The following PVT1 variants were observed in gnomAD, a reference collection of about 807,000 sequenced individuals.
PVT1 encodes CXCR4/PVT1 fusion.
intron 5 of PVT1, among the ~76,000 whole-genome samples, chr8:128,080,874 G>C (rs1814167129): frequency 6.6e-6 from 1 of 152,086 alleles, no homozygotes; most frequent in Non-Finnish European, 1.5e-5. Context: ...TGCATTTTGA[G>C]GTAATTTTTG....
At chr8:127,922,105 C>T (rs549220466) in intron 3 of PVT1, among the ~76,000 whole-genome samples, 4 of 151,858 alleles carry the variant, frequency 2.6e-5, no homozygotes, top group East Asian at 1.9e-4. Flanking sequence ...GTGATCTGCC[C>T]GCCTTGGCCT....
At chr8:128,065,198 TTA>T (rs35135583) in intron 4 of PVT1, among the ~76,000 whole-genome samples, 79,497 of 146,916 alleles carry the variant, frequency 0.54, 21,682 homozygotes, top group East Asian at 0.66. Flanking sequence ...TTTTTATTTT[TTA>T]TTTTTTTTTG....
chr8:127,837,719 G>C (rs1301193080), intron 2 of PVT1, among the ~76,000 whole-genome samples: 2 of 152,022 alleles, frequency 1.3e-5, no homozygotes, highest in Non-Finnish European at 2.9e-5. Context: ...TTAGCGATGG[G>C]GAAACGGAGC....
At chr8:127,951,756 G>A (rs1816507981) in intron 3 of PVT1, among the ~76,000 whole-genome samples, 1 of 151,946 alleles carries the variant, frequency 6.6e-6, no homozygotes, top group Non-Finnish European at 1.5e-5. Context: ...GCCCAGGGTT[G>A]ATCCCAAAGC....
chr8:128,053,531 T>C (rs1300131937), intron 4 of PVT1, among the ~76,000 whole-genome samples: 1 of 152,036 alleles, frequency 6.6e-6, no homozygotes, highest in East Asian at 1.9e-4. Context: ...GAGAATTTGA[T>C]GTAGTCCTGC....
At chr8:127,833,244 C>T (rs549646792) in intron 2 of PVT1, among the ~76,000 whole-genome samples, 1 of 152,226 alleles carries the variant, frequency 6.6e-6, no homozygotes, top group South Asian at 2.1e-4. Flanking sequence ...AACAAGCAGG[C>T]ATTTCATAAT....
intron 3 of PVT1, among the ~76,000 whole-genome samples, chr8:127,984,865 CTTTCTTTCTTTCTTTCTT>C (rs1220124032): frequency 3.0e-5 from 2 of 66,782 alleles, no homozygotes; most frequent in African/African-American, 5.2e-5. Context: ...TTCTTTCTTT[CTTTCTTTCTTTCTTTCTT>C]TCTTTCTTTC....
intron 3 of PVT1, among the ~76,000 whole-genome samples, chr8:127,922,661 A>G (rs1816076797): frequency 1.3e-5 from 2 of 152,086 alleles, no homozygotes; most frequent in African/African-American, 2.4e-5. Flanking sequence ...TTGCTCATCC[A>G]TCTGTGTCCC....
At chr8:127,918,212 T>C (rs966957913) in intron 3 of PVT1, among the ~76,000 whole-genome samples, 5 of 152,184 alleles carry the variant, frequency 3.3e-5, no homozygotes, top group African/African-American at 4.8e-5. Flanking sequence ...GAATGACCCC[T>C]GAAGGCAGTG....
At chr8:128,086,511 T>C (rs373137522) in intron 5 of PVT1, among the ~76,000 whole-genome samples, 3 of 152,306 alleles carry the variant, frequency 2.0e-5, no homozygotes, top group South Asian at 4.1e-4. Flanking sequence ...CACCAGAGCC[T>C]GTACTTATAC....
chr8:128,094,157 T>C (rs533530120), intron 5 of PVT1, among the ~76,000 whole-genome samples: 1 of 152,280 alleles, frequency 6.6e-6, no homozygotes, highest in Admixed American at 6.5e-5. Flanking sequence ...AAAACAGGGG[T>C]CAGCAAACTA....
chr8:127,906,139 C>G (rs1016881347), intron 3 of PVT1, among the ~76,000 whole-genome samples: 4 of 152,192 alleles, frequency 2.6e-5, no homozygotes, highest in African/African-American at 7.2e-5. Flanking sequence ...CAGAGCTGGA[C>G]TGGTCTTCCT....
intron 2 of PVT1, among the ~76,000 whole-genome samples, chr8:127,804,114 G>T (rs1814500042): frequency 2.0e-5 from 3 of 152,214 alleles, no homozygotes; most frequent in African/African-American, 7.2e-5. Flanking sequence ...TACTTGGGAG[G>T]CTGAGGCAGG....
intron 3 of PVT1, among the ~76,000 whole-genome samples, chr8:127,891,505 T>A (rs1316094993): frequency 6.6e-6 from 1 of 152,228 alleles, no homozygotes; most frequent in Non-Finnish European, 1.5e-5. Context: ...TATGACTCTT[T>A]AACACATACA....
rs189201827 is a variant in PVT1 at position 127,956,583 on chromosome 8, C to G, written n.783-32579C>G. On this transcript the variant is annotated intron_variant and non_coding_transcript_variant, in intron 3 of 10. Transcript: ENST00000651587. ...CACTGTAACCTCTGCCTCCTGAGTT[C>G]AAGCGATTCTCCTGCCTCAGCCTCC... Among the ~76,000 whole-genome samples, 383 of 152,360 alleles carry G rather than the reference C, an allele frequency of 2.5e-3. 3 individuals carry two copies. The highest frequency in any genetic ancestry group is 9.0e-3 in the African/African-American group (376 of 41,584).
At chr8:127,888,144 G>A (rs982976413) in intron 2 of PVT1, among the ~76,000 whole-genome samples, 1 of 151,490 alleles carries the variant, frequency 6.6e-6, no homozygotes, top group Non-Finnish European at 1.5e-5. Context: ...GTTTCACCGT[G>A]TTAGCCAGGA....
chr8:127,840,353 C>G (rs1445178071), intron 2 of PVT1, among the ~76,000 whole-genome samples: 1 of 152,224 alleles, frequency 6.6e-6, no homozygotes, highest in Non-Finnish European at 1.5e-5. Context: ...CCAGTCCAGA[C>G]TACGTGCCTC....
At chr8:128,098,325 G>A (rs926627413) in intron 6 of PVT1, among the ~76,000 whole-genome samples, 12 of 152,124 alleles carry the variant, frequency 7.9e-5, no homozygotes, top group African/African-American at 1.7e-4. Context: ...ACTTCTAGGC[G>A]GAGCAGATGG....
At chr8:127,879,493 C>T (rs1211566571) in intron 2 of PVT1, among the ~76,000 whole-genome samples, 1 of 152,214 alleles carries the variant, frequency 6.6e-6, no homozygotes, top group Non-Finnish European at 1.5e-5. Context: ...CACGCCACTG[C>T]ACTCCAGCCT....
Sources: gnomAD v4.1 joint callset for allele counts (sites outside exome capture counted in the v4.1 genomes callset) on GRCh38, gnomAD v4.1.1 for gene constraint, MANE v1.5 for transcripts, NCBI Gene and HGNC (gene_info 2026-07-23, HGNC 2026-07-21) for gene names.